IGSF21: variants seen among roughly 807,000 people sequenced by gnomAD.
IGSF21 encodes immunoglobin superfamily member 21, also known as immunoglobulin superfamily member 21.
Under a neutral mutation model 46.8 loss-of-function variants are expected in IGSF21, and 28 were observed. The ratio of observed to expected loss-of-function variants is 0.60; its 90% CI spans 0.44 to 0.82. The LOEUF is 0.82. IGSF21 is among the 40% of genes least tolerant of loss of function. The pLI, the probability that IGSF21 is intolerant of heterozygous loss-of-function variation, is 0.00. For missense variants in IGSF21, 624 were observed against 665.5 expected, an observed-to-expected ratio of 0.94 and a Z score of 0.69; for synonymous variants, 284 against 273.6, an observed-to-expected ratio of 1.04 and a Z score of -0.38.
intron 3 of IGSF21, among the ~76,000 whole-genome samples, chr1:18,293,599 A>G (rs1240455088): frequency 6.6e-6 from 1 of 152,216 alleles, no homozygotes; most frequent in Non-Finnish European, 1.5e-5. Flanking sequence ...TGGTGCCTTA[A>G]AATATTAAAG....
At chr1:18,121,862 G>T (rs367608804) in intron 1 of IGSF21, among the ~76,000 whole-genome samples, 1 of 152,178 alleles carries the variant, frequency 6.6e-6, no homozygotes, top group Non-Finnish European at 1.5e-5. Context: ...CCATGTACCC[G>T]ACTGTCCAAA....
In IGSF21 at chr1:18,365,100, T is replaced by C. The variant is rs377267348; in HGVS notation, c.541-123T>C. 38 of 722,024 alleles carry C rather than the reference T, an allele frequency of 5.3e-5. No individual in the cohort carries two copies. The highest frequency in any genetic ancestry group is 5.2e-4 in the South Asian group (29 of 56,240). The allele number at this position is 722,024 out of a possible 1,614,324, so 44.7% of individuals were successfully genotyped here. ...GAAGGGAAAAGAGTGGGGTGAGGGC[T>C]ACTGTCTAGACTACTATGCTCTGGA... is the stretch of plus-strand genomic sequence containing the variant. On this transcript the variant is annotated intron_variant, in intron 5 of 9. Transcript: ENST00000251296. The surrounding 1 kb of genome is among the most constrained non-coding windows in gnomAD (Gnocchi z 4.8).
At chr1:18,173,777 G>A (rs138950249) in intron 1 of IGSF21, among the ~76,000 whole-genome samples, 194 of 152,200 alleles carry the variant, frequency 1.3e-3, no homozygotes, top group African/African-American at 4.0e-3. Context: ...ATTTGGAGAC[G>A]GAGTCTCACT....
At chr1:18,255,608 C>T (rs2084884558) in intron 2 of IGSF21, among the ~76,000 whole-genome samples, 1 of 152,030 alleles carries the variant, frequency 6.6e-6, no homozygotes. Flanking sequence ...TCTTTCTTTC[C>T]CTGAAACTCC....
At chr1:18,349,319 G>A (rs529472678) in intron 4 of IGSF21, among the ~76,000 whole-genome samples, 1 of 152,206 alleles carries the variant, frequency 6.6e-6, no homozygotes, top group South Asian at 2.1e-4. Context: ...GAGAGAGAAG[G>A]GCACAGGTTT....
intron 6 of IGSF21, chr1:18,376,073 C>A (rs1282148351): frequency 8.6e-6 from 4 of 463,012 alleles, no homozygotes; most frequent in Non-Finnish European, 1.6e-5. Context: ...GGAATCATGT[C>A]CTATATACAC....
chr1:18,239,714 CA>C (rs2084706819), intron 2 of IGSF21, among the ~76,000 whole-genome samples: 1 of 152,100 alleles, frequency 6.6e-6, no homozygotes, highest in South Asian at 2.1e-4. Flanking sequence ...TCCATCTGGT[CA>C]ACTCCTACTT....
intron 4 of IGSF21, among the ~76,000 whole-genome samples, chr1:18,355,015 T>C (rs948239644): frequency 6.6e-6 from 1 of 152,208 alleles, no homozygotes; most frequent in East Asian, 1.9e-4. Flanking sequence ...TTGAACTCAT[T>C]TGATAGATGG....
chr1:18,314,546 C>T (rs111247371), intron 3 of IGSF21, among the ~76,000 whole-genome samples: 1 of 152,310 alleles, frequency 6.6e-6, no homozygotes, highest in Admixed American at 6.5e-5. Flanking sequence ...TCACTTAAAC[C>T]TCATAATAAG....
chr1:18,169,412 G>A (rs1251247112), intron 1 of IGSF21, among the ~76,000 whole-genome samples: 4 of 152,186 alleles, frequency 2.6e-5, no homozygotes, highest in Non-Finnish European at 5.9e-5. Context: ...TCTAACCCCC[G>A]TCTTGCCCAC....
At chr1:18,114,303 C>T (rs1276469041) in intron 1 of IGSF21, 1 of 152,254 alleles carries the variant, frequency 6.6e-6, no homozygotes, top group Non-Finnish European at 1.5e-5. Flanking sequence ...CTGCTCCACC[C>T]AGGCAGGGAC....
chr1:18,375,325 ATCTGGGGGAAAGAG>A (rs990096509), intron 6 of IGSF21, among the ~76,000 whole-genome samples: 48 of 152,294 alleles, frequency 3.2e-4, no homozygotes, highest in Admixed American at 3.0e-3. Flanking sequence ...GAATGAATGA[ATCTGGGGGAAAGAG>A]TGCTGGCGAG....
rs1557650278 is a variant in IGSF21 at position 18,337,943 on chromosome 1, T to G, written c.424+2933T>G. ...TATCTCTGTGCCAGAGGAGCGTGGC[T>G]TCTGTAGCTCACCAAGGTCCTGAAT... On this transcript the variant is annotated intron_variant, in intron 4 of 9. Coordinates refer to ENST00000251296, the MANE Select transcript of IGSF21 (RefSeq NM_032880.5). This position sits in a 1 kb window ranked among gnomAD's most constrained non-coding sequence, Gnocchi z 5.7. 6.6e-6 allele frequency among the ~76,000 whole-genome samples: 1 copy of G among 152,118 alleles called. No homozygotes were observed.
At chr1:18,113,027 A>G (rs984052475) in intron 1 of IGSF21, 1 of 152,108 alleles carries the variant, frequency 6.6e-6, no homozygotes, top group Non-Finnish European at 1.5e-5. Flanking sequence ...CTTTTTAAAT[A>G]AAAGGAGGTT....
chr1:18,240,339 G>T (rs1312545685), intron 2 of IGSF21, among the ~76,000 whole-genome samples: 1 of 152,230 alleles, frequency 6.6e-6, no homozygotes, highest in South Asian at 2.1e-4. Context: ...CCTGTCTTTT[G>T]TGGAGCTTGT....
At chr1:18,188,602 A>T (rs2086926390) in intron 1 of IGSF21, among the ~76,000 whole-genome samples, 1 of 152,154 alleles carries the variant, frequency 6.6e-6, no homozygotes, top group Admixed American at 6.5e-5. Flanking sequence ...ATGGGGACAG[A>T]CCTGGGCGTG....
intron 2 of IGSF21, among the ~76,000 whole-genome samples, chr1:18,287,180 C>CAAAAAA (rs1157021116): frequency 3.1e-5 from 1 of 31,824 alleles, no homozygotes; most frequent in African/African-American, 5.3e-5. Context: ...GACTCCGTCT[C>CAAAAAA]AAAAAAAAAA....
chr1:18,361,796 T>C, intron 4 of IGSF21: 1 of 235,050 alleles, frequency 4.3e-6, no homozygotes. Context: ...ACTCCCAGGC[T>C]CGGGCAGAGT....
intron 1 of IGSF21, among the ~76,000 whole-genome samples, chr1:18,118,288 C>A (rs921951037): frequency 3.3e-5 from 5 of 151,654 alleles, no homozygotes; most frequent in African/African-American, 1.2e-4. Context: ...TTTTCCCTAA[C>A]GCCGCCCCAA....
Sources: gnomAD v4.1 joint callset for allele counts (sites outside exome capture counted in the v4.1 genomes callset) on GRCh38, gnomAD v4.1.1 for gene constraint, Gnocchi (gnomAD v3.1) non-coding constraint, MANE v1.5 for transcripts, NCBI Gene and HGNC (gene_info 2026-07-23, HGNC 2026-07-21) for gene names.